The following GDPD5 variants were observed in gnomAD, a reference collection of about 807,000 sequenced individuals.
GDPD5 encodes glycerophosphodiester phosphodiesterase domain containing 5, also known as glycerophosphodiester phosphodiesterase 2.
A neutral mutation model predicts 75.1 loss-of-function variants in GDPD5; 48 were observed. The ratio of observed to expected loss-of-function variants is 0.64; its 90% CI spans 0.51 to 0.81. The LOEUF is 0.81. Among genes scored for constraint, GDPD5 ranks in the 40% least tolerant of loss-of-function variants. The pLI is 0.00. For synonymous variants in GDPD5, 336 were observed against 339.0 expected (o/e 0.99, Z 0.10); for missense variants, 706 against 822.6 (o/e 0.86, Z 1.73).
intron 1 of GDPD5, among the ~76,000 whole-genome samples, chr11:75,494,391 A>AT (rs1950174570): frequency 6.6e-6 from 1 of 151,444 alleles, no homozygotes; most frequent in Admixed American, 6.6e-5. Context: ...CTATTTTTCT[A>AT]TTTTTAGAAG....
chr11:75,471,699 G>C (rs908711172), intron 3 of GDPD5, among the ~76,000 whole-genome samples: 4 of 152,298 alleles, frequency 2.6e-5, no homozygotes, highest in African/African-American at 9.6e-5. Context: ...GGTGTTCATA[G>C]AGTGTCATCA....
chr11:75,459,147 C>T lies in GDPD5; in HGVS notation c.222-1361G>A, dbSNP rs867495. On this transcript the variant is annotated intron_variant, in intron 4 of 16. Transcript: ENST00000336898. ...GAAAATGTGATTTTTAAAATAGCCA[C>T]GTGGTTTTCCACTGAATTAATGTAC... Among the ~76,000 whole-genome samples, 124 of 152,250 alleles carry T rather than the reference C, an allele frequency of 8.1e-4. 2 individuals carry two copies. The East Asian group carries it at 0.02, about 25-fold the overall frequency.
chr11:75,483,833 G>A (rs909106977), intron 2 of GDPD5, among the ~76,000 whole-genome samples: 18 of 152,220 alleles, frequency 1.2e-4, no homozygotes, highest in African/African-American at 4.3e-4. Context: ...GGGGCTGGGA[G>A]GATTGGGGAG....
chr11:75,515,055 C>T lies in GDPD5; in HGVS notation c.-145+10155G>A, dbSNP rs115307116. On this transcript the variant is annotated intron_variant, in intron 1 of 16. Coordinates refer to ENST00000336898, the MANE Select transcript of GDPD5 (RefSeq NM_030792.8). Reference sequence around the variant, plus strand: ...CCAAGCCAGAATTCTGACTCCGAGGCCCACATACCTCCCTTCTCAGGAAGT... The same window carrying T: ...CCAAGCCAGAATTCTGACTCCGAGGTCCACATACCTCCCTTCTCAGGAAGT... 5.6e-3 allele frequency among the ~76,000 whole-genome samples: 852 copies of T among 152,314 alleles called. 11 individuals carry two copies. Among genetic ancestry groups the T allele is most frequent in the African/African-American group, 0.019 (806 of 41,574 alleles).
intron 6 of GDPD5, chr11:75,450,408 C>T (rs976733797): frequency 1.0e-5 from 2 of 196,772 alleles, no homozygotes; most frequent in East Asian, 1.6e-4. Flanking sequence ...CAGGCCATGC[C>T]CAGGCCTCAG....
At chr11:75,493,980 T>A (rs945014492) in intron 1 of GDPD5, among the ~76,000 whole-genome samples, 1 of 152,156 alleles carries the variant, frequency 6.6e-6, no homozygotes, top group Non-Finnish European at 1.5e-5. Flanking sequence ...TTCTTTAAAT[T>A]TGCAACTAGA....
chr11:75,509,037 A>C (rs1259930309), intron 1 of GDPD5: 1 of 152,272 alleles, frequency 6.6e-6, no homozygotes, highest in South Asian at 2.1e-4. Flanking sequence ...TGAACAGGGA[A>C]GTGGAAGGGA....
chr11:75,443,877 T>C (rs1948905871), intron 10 of GDPD5, among the ~76,000 whole-genome samples: 1 of 152,216 alleles, frequency 6.6e-6, no homozygotes, highest in Non-Finnish European at 1.5e-5. Context: ...AAACACACAA[T>C]TCTATGTCTA....
Position 75,477,763 on chromosome 11 carries a change from CCCT to C in GDPD5, c.-31_-29del. 1 of 1,475,496 alleles carries C rather than the reference CCCT, an allele frequency of 6.8e-7. No homozygotes were observed. The highest frequency in any genetic ancestry group is 9.2e-7 in the Non-Finnish European group (1 of 1,086,956). The allele number at this position is 1,475,496 out of a possible 1,614,324, so 91.4% of individuals were successfully genotyped here. On this transcript the variant is annotated 5_prime_UTR_variant, in exon 3 of 17. An upstream open reading frame in the 5' UTR loses its in-frame stop. Transcript: ENST00000336898. ...TCGTGCCCACGGCCCTGGCGCCTGGCCCTCAGGCGCCCATGGAGGCCCCCAGCT... is the reference window on the plus strand; with the variant it reads ...TCGTGCCCACGGCCCTGGCGCCTGGCCAGGCGCCCATGGAGGCCCCCAGCT...
At chr11:75,488,963 G>A (rs544108138) in intron 2 of GDPD5, among the ~76,000 whole-genome samples, 4 of 152,170 alleles carry the variant, frequency 2.6e-5, no homozygotes, top group Non-Finnish European at 5.9e-5. Context: ...TGCTAGAAGA[G>A]TCACTGTATA....
chr11:75,465,106 C>G (rs912437274), intron 3 of GDPD5, among the ~76,000 whole-genome samples: 1 of 152,212 alleles, frequency 6.6e-6, no homozygotes, highest in African/African-American at 2.4e-5. Flanking sequence ...AAGGGTGAAC[C>G]ATGTCTTTAG....
intron 4 of GDPD5, among the ~76,000 whole-genome samples, chr11:75,459,283 C>T (rs957721219): frequency 4.6e-4 from 69 of 151,600 alleles, no homozygotes; most frequent in African/African-American, 1.6e-3. Context: ...TTTTTGATTA[C>T]TTCCTTAGGA....
chr11:75,493,227 T>TCA (rs780201140), intron 1 of GDPD5, among the ~76,000 whole-genome samples: 11 of 63,258 alleles, frequency 1.7e-4, no homozygotes, highest in Admixed American at 3.7e-4. Flanking sequence ...CCCCCACACA[T>TCA]CTCACACACA....
intron 1 of GDPD5, among the ~76,000 whole-genome samples, chr11:75,503,245 T>C (rs562968165): frequency 3.3e-5 from 5 of 152,288 alleles, no homozygotes; most frequent in African/African-American, 1.2e-4. Flanking sequence ...GGTCTCGAAC[T>C]CCTGACCTCA....
intron 14 of GDPD5, 100 bp downstream of exon 14, chr11:75,441,063 T>A (rs923683034): frequency 3.4e-5 from 42 of 1,225,474 alleles, no homozygotes; most frequent in Admixed American, 4.0e-5. Context: ...GCTAGAGACC[T>A]CCCAGGGACA....
intron 6 of GDPD5, among the ~76,000 whole-genome samples, chr11:75,454,605 C>G (rs1949244419): frequency 6.6e-6 from 1 of 152,218 alleles, no homozygotes; most frequent in Non-Finnish European, 1.5e-5. Context: ...ATATCCAGAC[C>G]AGGGAGCAGG....
chr11:75,522,680 A>G (rs889662137), intron 1 of GDPD5, among the ~76,000 whole-genome samples: 21 of 151,842 alleles, frequency 1.4e-4, no homozygotes, highest in Admixed American at 6.6e-5. Context: ...CCCCATATCC[A>G]AGACTGCTAA....
chr11:75,435,228 G>A lies in GDPD5; in HGVS notation c.*279C>T. ...AAAGCTTCCAGGTCGGGATACAGGA[G>A]AGGGCCTCAGAAGAGGGGGACCAAG... On this transcript the variant is annotated 3_prime_UTR_variant, in exon 17 of 17. Coordinates refer to ENST00000336898, the MANE Select transcript of GDPD5 (RefSeq NM_030792.8). The A allele has an allele frequency of 2.8e-6, 1 of 356,574 alleles. No homozygotes were observed. Among genetic ancestry groups the A allele is most frequent in the East Asian group, 4.5e-5 (1 of 22,048 alleles). The allele number at this position is 356,574 out of a possible 1,614,324, so 22.1% of individuals were successfully genotyped here.
chr11:75,475,461 T>C (rs980554675), intron 3 of GDPD5, among the ~76,000 whole-genome samples: 1 of 152,236 alleles, frequency 6.6e-6, no homozygotes, highest in African/African-American at 2.4e-5. Context: ...GCACCAGCCC[T>C]GTCTTTGAGA....
Sources: allele counts gnomAD v4.1 joint callset (sites outside exome capture counted in the v4.1 genomes callset), GRCh38; gene constraint gnomAD v4.1.1; transcripts MANE v1.5; gene names NCBI Gene and HGNC (gene_info 2026-07-23, HGNC 2026-07-21).